NXPE2: variants seen among roughly 807,000 people sequenced by gnomAD.
The protein encoded by NXPE2 is NXPE family member 2.
A neutral mutation model predicts 34.4 loss-of-function variants in NXPE2; 34 were observed. The observed-to-expected ratio is 0.99, with a 90% CI of 0.75 to 1.31. NXPE2 has a LOEUF of 1.31. Ranked by LOEUF, NXPE2 falls within the 40% of genes most tolerant of loss-of-function variation. NXPE2 has a pLI of 0.00. For synonymous variants in NXPE2, 235 were observed against 231.3 expected (o/e 1.02, Z -0.15); for missense variants, 649 against 672.5 (o/e 0.97, Z 0.39).
chr11:114,771,184 A>G, the NXPE2 span, among the ~76,000 whole-genome samples: 1 of 151,550 alleles, frequency 6.6e-6, no homozygotes, highest in Non-Finnish European at 1.5e-5. Context: ...GAATGGGTCA[A>G]ATGTGGAGTA....
the NXPE2 span, among the ~76,000 whole-genome samples, chr11:114,619,356 G>A: frequency 1.1e-4 from 17 of 150,586 alleles, no homozygotes; most frequent in Admixed American, 9.9e-4. Context: ...ACTGTTACCC[G>A]GTAGATAATA....
chr11:114,522,028 G>T, the NXPE2 span: 1 of 1,613,886 alleles, frequency 6.2e-7, no homozygotes, highest in Non-Finnish European at 8.5e-7. Context: ...CAGGTGGGTG[G>T]ATAGTGTCAG....
downstream of NXPE2, chr11:114,707,445 A>G: frequency 2.4e-6 from 1 of 424,382 alleles, no homozygotes; most frequent in Non-Finnish European, 4.7e-6. Context: ...CCAAGACTGG[A>G]GTGCAGTGGC....
intron 2 of NXPE2, among the ~76,000 whole-genome samples, chr11:114,692,609 G>A (rs1951173814): frequency 2.0e-5 from 3 of 152,160 alleles, no homozygotes; most frequent in Non-Finnish European, 4.4e-5. Flanking sequence ...CTATTTCAGA[G>A]CTTTGGGGAT....
At chr11:114,692,202 A>T (rs1951166698) in intron 2 of NXPE2, among the ~76,000 whole-genome samples, 1 of 152,144 alleles carries the variant, frequency 6.6e-6, no homozygotes, top group African/African-American at 2.4e-5. Context: ...AAATGCTCAA[A>T]ATGGTGTCAT....
the NXPE2 span, among the ~76,000 whole-genome samples, chr11:114,617,610 C>A: frequency 6.6e-6 from 1 of 152,002 alleles, no homozygotes; most frequent in South Asian, 2.1e-4. Context: ...ATAAGTGTTG[C>A]CTTTAGGGTA....
At chr11:114,488,407 C>T in the NXPE2 span, among the ~76,000 whole-genome samples, 4 of 151,960 alleles carry the variant, frequency 2.6e-5, no homozygotes, top group East Asian at 1.9e-4. Flanking sequence ...TTGAGCTAAA[C>T]GTTTGTCAAT....
chr11:114,796,878 T>G, the NXPE2 span, among the ~76,000 whole-genome samples: 1 of 152,142 alleles, frequency 6.6e-6, no homozygotes, highest in African/African-American at 2.4e-5. Flanking sequence ...AGAGCACTGG[T>G]GGGAAAGGAG....
intron 3 of NXPE2, among the ~76,000 whole-genome samples, chr11:114,701,911 A>G (rs1433765994): frequency 6.6e-6 from 1 of 152,206 alleles, no homozygotes; most frequent in Non-Finnish European, 1.5e-5. Context: ...GTGGGGCTGA[A>G]TGCAGGACTT....
the NXPE2 span, among the ~76,000 whole-genome samples, chr11:114,777,641 A>C: frequency 6.6e-6 from 1 of 152,166 alleles, no homozygotes; most frequent in South Asian, 2.1e-4. Flanking sequence ...TCCTCCAACT[A>C]TTCGAGATCC....
the NXPE2 span, among the ~76,000 whole-genome samples, chr11:114,714,428 A>G: frequency 2.6e-5 from 4 of 152,220 alleles, no homozygotes; most frequent in African/African-American, 9.6e-5. Flanking sequence ...ATAGGCTAGG[A>G]CTTTTATACA....
chr11:114,801,725 G>A, the NXPE2 span, among the ~76,000 whole-genome samples: 1 of 152,170 alleles, frequency 6.6e-6, no homozygotes, highest in African/African-American at 2.4e-5. Flanking sequence ...AAACCAGCAG[G>A]ATTTGGTGAT....
At chr11:114,573,064 C>A in the NXPE2 span, among the ~76,000 whole-genome samples, 15 of 152,128 alleles carry the variant, frequency 9.9e-5, no homozygotes, top group East Asian at 2.9e-3. Context: ...ATTTTAGCCT[C>A]CTTAAACAAA....
the NXPE2 span, among the ~76,000 whole-genome samples, chr11:114,598,633 C>T: frequency 6.6e-6 from 1 of 152,224 alleles, no homozygotes; most frequent in Non-Finnish European, 1.5e-5. Context: ...GGCTTGCACT[C>T]TCTAAAGCAA....
chr11:114,502,641 T>G, the NXPE2 span, among the ~76,000 whole-genome samples: 1 of 152,214 alleles, frequency 6.6e-6, no homozygotes, highest in African/African-American at 2.4e-5. Context: ...TATATTTGAT[T>G]CTATTTTGTA....
chr11:114,548,231 G>C, the NXPE2 span, among the ~76,000 whole-genome samples: 450 of 152,188 alleles, frequency 3.0e-3, 3 homozygotes, highest in African/African-American at 0.011. Flanking sequence ...TCACTTTAAG[G>C]ATAGCCACAT....
At chr11:114,759,631 G>C in the NXPE2 span, among the ~76,000 whole-genome samples, 2 of 152,174 alleles carry the variant, frequency 1.3e-5, no homozygotes, top group Admixed American at 1.3e-4. Context: ...GCTATAAAAT[G>C]AGGAAAATTA....
chr11:114,525,787 G>T, the NXPE2 span, among the ~76,000 whole-genome samples: 124 of 152,294 alleles, frequency 8.1e-4, no homozygotes, highest in Middle Eastern at 6.8e-3. Context: ...GTATATTCAA[G>T]CTAGCCAATA....
At chr11:114,696,998 A>G (rs147483696) in intron 2 of NXPE2, among the ~76,000 whole-genome samples, 9 of 152,214 alleles carry the variant, frequency 5.9e-5, no homozygotes, top group African/African-American at 1.9e-4. Context: ...AAATAGAACA[A>G]TTATAACAAC....
Sources: allele counts gnomAD v4.1 joint callset (sites outside exome capture counted in the v4.1 genomes callset), GRCh38; gene constraint gnomAD v4.1.1; transcripts MANE v1.5; gene names NCBI Gene and HGNC (gene_info 2026-07-23, HGNC 2026-07-21).